The following CYP4X1 variants were observed in gnomAD, a reference collection of about 807,000 sequenced individuals.
CYP4X1 encodes cytochrome P450 4X1.
A neutral mutation model predicts 57.9 loss-of-function variants in CYP4X1; 44 were observed. That is an observed-to-expected ratio of 0.76 (90% CI 0.60 to 0.98). The LOEUF (loss-of-function observed/expected upper bound fraction) is 0.98, where lower values mean the gene tolerates loss of function less well. Ranked by LOEUF, CYP4X1 falls within the 50% of genes least tolerant of loss-of-function variation. CYP4X1 has a pLI of 0.00. For missense variants in CYP4X1, 532 were observed against 623.9 expected (o/e 0.85, Z 1.57); for synonymous variants, 227 against 228.6 (o/e 0.99, Z 0.06).
the CYP4X1 span, among the ~76,000 whole-genome samples, chr1:46,971,977 GC>G: frequency 3.3e-5 from 5 of 152,156 alleles, no homozygotes; most frequent in African/African-American, 1.2e-4. Flanking sequence ...TGTTGCAATT[GC>G]TTTTAGAGTC....
chr1:46,992,879 A>G, the CYP4X1 span, among the ~76,000 whole-genome samples: 1 of 152,152 alleles, frequency 6.6e-6, no homozygotes, highest in South Asian at 2.1e-4. Flanking sequence ...AAGAGTTCCA[A>G]TTTTCCCACA....
rs142525004 is a variant in CYP4X1 at position 47,031,984 on chromosome 1, C to T, written c.364+504C>T. 2.6e-5 allele frequency among the ~76,000 whole-genome samples: 4 copies of T among 152,040 alleles called. 1 individual carries two copies. The highest frequency in any genetic ancestry group is 9.6e-5 in the African/African-American group (4 of 41,464). On this transcript the variant is annotated intron_variant, in intron 3 of 11. Coordinates refer to ENST00000371901, the MANE Select transcript of CYP4X1 (RefSeq NM_178033.2). The stretch of plus-strand genomic sequence containing the variant: ...CTTGAACCTAGGAGGTGGAGGTTGC[C>T]GTGAGCTCAGATTGTGCCACTGCAC...
At chr1:47,016,136 T>C in the CYP4X1 span, among the ~76,000 whole-genome samples, 6 of 152,028 alleles carry the variant, frequency 3.9e-5, no homozygotes, top group South Asian at 2.1e-4. Context: ...CCCTGACCCC[T>C]GGTATGTCTC....
At chr1:46,978,698 A>G in the CYP4X1 span, among the ~76,000 whole-genome samples, 3 of 151,480 alleles carry the variant, frequency 2.0e-5, no homozygotes, top group Non-Finnish European at 2.9e-5. Flanking sequence ...CATCATATTT[A>G]TTCCAAAATT....
At chr1:47,040,691 G>GTA (rs1373941975) in intron 8 of CYP4X1, among the ~76,000 whole-genome samples, 7 of 151,476 alleles carry the variant, frequency 4.6e-5, no homozygotes, top group Admixed American at 1.3e-4. Flanking sequence ...ATGTATGTGT[G>GTA]TATATATATA....
Position 47,037,216 on chromosome 1 carries a change from A to G in CYP4X1, c.775+1045A>G, listed in dbSNP as rs1339547277. 2.6e-5 allele frequency among the ~76,000 whole-genome samples: 4 copies of G among 152,144 alleles called. No homozygotes were observed. In the East Asian group the frequency reaches 7.7e-4, roughly 29 times the overall value. ...CAATTATGATGAAAAAGCAAAATGC[A>G]AAGTGTTAGGGAAAATATTAAATGT... is the stretch of plus-strand genomic sequence containing the variant. On this transcript the variant is annotated intron_variant, in intron 6 of 11. Coordinates refer to ENST00000371901, the MANE Select transcript of CYP4X1 (RefSeq NM_178033.2).
At chr1:47,039,667 G>C (rs1644223887) in intron 8 of CYP4X1, 135 bp downstream of exon 8, 2 of 535,336 alleles carry the variant, frequency 3.7e-6, no homozygotes, top group African/African-American at 2.0e-5. Context: ...CTACTTTTCT[G>C]TTCTTTCTAA....
the CYP4X1 span, among the ~76,000 whole-genome samples, chr1:46,972,129 G>C: frequency 1.3e-5 from 2 of 152,180 alleles, no homozygotes; most frequent in South Asian, 4.1e-4. Context: ...ATGAAAAACA[G>C]GGGTCCAGTT....
chr1:46,983,299 T>C, the CYP4X1 span, among the ~76,000 whole-genome samples: 1 of 152,030 alleles, frequency 6.6e-6, no homozygotes, highest in Non-Finnish European at 1.5e-5. Context: ...GGCTGCATTG[T>C]GGATGCTAGC....
At chr1:46,984,687 G>A in the CYP4X1 span, among the ~76,000 whole-genome samples, 14 of 152,280 alleles carry the variant, frequency 9.2e-5, no homozygotes, top group African/African-American at 3.4e-4. Flanking sequence ...CAGATACTAC[G>A]CTTTTCCCAC....
chr1:46,981,864 G>T, the CYP4X1 span, among the ~76,000 whole-genome samples: 1 of 152,108 alleles, frequency 6.6e-6, no homozygotes, highest in African/African-American at 2.4e-5. Context: ...CCATCATTCT[G>T]CGCAAACTAT....
intron 8 of CYP4X1, among the ~76,000 whole-genome samples, chr1:47,045,728 T>C (rs1644293944): frequency 6.6e-6 from 1 of 152,232 alleles, no homozygotes; most frequent in Admixed American, 6.5e-5. Context: ...TGGTGGATAT[T>C]CCATGCTTCC....
intron 1 of CYP4X1, among the ~76,000 whole-genome samples, chr1:47,028,981 C>T (rs903497405): frequency 2.0e-5 from 3 of 152,176 alleles, no homozygotes; most frequent in African/African-American, 4.8e-5. Flanking sequence ...GACTCTCAAC[C>T]TTTCAGTGGC....
intron 8 of CYP4X1, among the ~76,000 whole-genome samples, chr1:47,040,815 A>G (rs925350436): frequency 2.0e-5 from 3 of 152,088 alleles, no homozygotes; most frequent in African/African-American, 7.2e-5. Context: ...GACATTTAAA[A>G]TCTACCCTCT....
rs1166327460 is a variant in CYP4X1 at position 47,048,648 on chromosome 1, C to T, written c.1272+19C>T. 1 of 1,602,288 alleles carries T rather than the reference C, an allele frequency of 6.2e-7. No homozygotes were observed. The highest frequency in any genetic ancestry group is 1.3e-5 in the African/African-American group (1 of 74,140). ...CCCAAAGGTATGATTCTCTCTTGTACATAAATACTTCCAAGAACTAATGCT... is the reference window on the plus strand; with the variant it reads ...CCCAAAGGTATGATTCTCTCTTGTATATAAATACTTCCAAGAACTAATGCT... On this transcript the variant is annotated intron_variant, in intron 10 of 11. Coordinates refer to ENST00000371901, the MANE Select transcript of CYP4X1 (RefSeq NM_178033.2).
upstream of CYP4X1, among the ~76,000 whole-genome samples, chr1:47,018,997 G>T (rs9729128): frequency 1.1e-4 from 17 of 152,262 alleles, no homozygotes; most frequent in African/African-American, 4.1e-4. Flanking sequence ...GATGAACTGG[G>T]GAGGAAGAGA....
At chr1:47,040,855 T>A (rs762369089) in intron 8 of CYP4X1, among the ~76,000 whole-genome samples, 1 of 152,148 alleles carries the variant, frequency 6.6e-6, no homozygotes, top group Non-Finnish European at 1.5e-5. Context: ...AAATTGTTAG[T>A]AACTCCAATC....
downstream of CYP4X1, among the ~76,000 whole-genome samples, chr1:47,051,864 A>G (rs1385062449): frequency 6.6e-6 from 1 of 152,162 alleles, no homozygotes; most frequent in African/African-American, 2.4e-5. Context: ...GTAAAATTCT[A>G]AAATAACTCA....
rs1171938294 is a variant in CYP4X1, at chr1:47,050,264, G to A, written c.*90G>A. 2.7e-6 allele frequency: 4 copies of A among 1,467,276 alleles called. No individual in the cohort carries two copies. The highest frequency in any genetic ancestry group is 2.8e-6 in the Non-Finnish European group (3 of 1,069,360). 90.9% of individuals were successfully genotyped at this position (1,467,276 alleles called of 1,614,324 possible). A position where few individuals can be genotyped will look rare whatever the true frequency, so the allele number is the denominator to read the frequency against. On this transcript the variant is annotated 3_prime_UTR_variant, in exon 12 of 12. Transcript: ENST00000371901. ...AGCAGATAGAAAGGGATCAATGTATGGTGGGAGGATTGGAGGTTGGTGGGA... is the reference window on the plus strand; with the variant it reads ...AGCAGATAGAAAGGGATCAATGTATAGTGGGAGGATTGGAGGTTGGTGGGA...
Sources: gnomAD v4.1 joint callset for allele counts (sites outside exome capture counted in the v4.1 genomes callset) on GRCh38, gnomAD v4.1.1 for gene constraint, MANE v1.5 for transcripts, NCBI Gene and HGNC (gene_info 2026-07-23, HGNC 2026-07-21) for gene names.